The following ADGRB3 variants were observed in gnomAD, a reference collection of about 807,000 sequenced individuals.
ADGRB3 encodes adhesion G protein-coupled receptor B3.
A neutral mutation model predicts 193.4 loss-of-function variants in ADGRB3; 37 were observed. That is an observed-to-expected ratio of 0.19 (90% CI 0.15 to 0.25). The LOEUF (loss-of-function observed/expected upper bound fraction) is 0.25, where lower values mean the gene tolerates loss of function less well. Ranked by LOEUF, ADGRB3 falls within the 10% of genes least tolerant of loss-of-function variation. The pLI, the probability that ADGRB3 is intolerant of heterozygous loss-of-function variation, is 1.00. For synonymous variants in ADGRB3, 690 were observed against 644.2 expected (o/e 1.07, Z -1.08); for missense variants, 1,637 against 1,852.9 (o/e 0.88, Z 2.14).
At chr6:68,919,018 G>A (rs1766954995) in intron 3 of ADGRB3, among the ~76,000 whole-genome samples, 1 of 151,630 alleles carries the variant, frequency 6.6e-6, no homozygotes, top group South Asian at 2.1e-4. Context: ...TTCTGGACAT[G>A]TCTTTTTTTA....
chr6:69,323,940 T>G (rs1021608170), intron 20 of ADGRB3, among the ~76,000 whole-genome samples: 1 of 152,118 alleles, frequency 6.6e-6, no homozygotes, highest in East Asian at 1.9e-4. Flanking sequence ...AATTCTACTG[T>G]CTTTGTTTTG....
chr6:69,349,724 T>C (rs1485241802), intron 26 of ADGRB3, among the ~76,000 whole-genome samples: 1 of 152,142 alleles, frequency 6.6e-6, no homozygotes, highest in Admixed American at 6.6e-5. Context: ...AAGGAAAAAT[T>C]ACAAATAATT....
intron 3 of ADGRB3, among the ~76,000 whole-genome samples, chr6:68,781,168 T>C (rs1341017985): frequency 6.6e-6 from 1 of 152,138 alleles, no homozygotes; most frequent in African/African-American, 2.4e-5. Context: ...CCAAGTAGTT[T>C]CTTGTCTTCA....
chr6:69,323,263 T>A (rs1174267463), intron 20 of ADGRB3, among the ~76,000 whole-genome samples: 1 of 152,030 alleles, frequency 6.6e-6, no homozygotes, highest in Non-Finnish European at 1.5e-5. Context: ...AAAGGGTAAC[T>A]AATGACTTAG....
chr6:69,115,570 ATGT>A (rs1561923486), intron 17 of ADGRB3, among the ~76,000 whole-genome samples: 1 of 152,266 alleles, frequency 6.6e-6, no homozygotes. Flanking sequence ...TGTTCTGCAC[ATGT>A]ATCCCAGAAC....
intron 20 of ADGRB3, among the ~76,000 whole-genome samples, chr6:69,271,418 A>G (rs774378074): frequency 6.6e-6 from 1 of 152,218 alleles, no homozygotes; most frequent in Non-Finnish European, 1.5e-5. Flanking sequence ...ATAGTTTCAT[A>G]AATGAAGTAT....
chr6:68,807,949 G>T (rs1251008469), intron 3 of ADGRB3, among the ~76,000 whole-genome samples: 2 of 151,944 alleles, frequency 1.3e-5, no homozygotes, highest in Non-Finnish European at 2.9e-5. Flanking sequence ...TTTTCCCAGG[G>T]TGTCTCACTT....
intron 3 of ADGRB3, among the ~76,000 whole-genome samples, chr6:68,643,692 G>A (rs905303553): frequency 7.3e-5 from 11 of 151,468 alleles, no homozygotes; most frequent in African/African-American, 2.7e-4. Context: ...CCAGCACTTT[G>A]GGAGGCCGAA....
At chr6:68,899,377 G>C (rs1187781992) in intron 3 of ADGRB3, among the ~76,000 whole-genome samples, 2 of 151,400 alleles carry the variant, frequency 1.3e-5, no homozygotes, top group Non-Finnish European at 2.9e-5. Flanking sequence ...TGCCATGCTG[G>C]TGCACTGCAC....
At chr6:69,325,420 C>A (rs1215138293) in intron 21 of ADGRB3, among the ~76,000 whole-genome samples, 1 of 151,974 alleles carries the variant, frequency 6.6e-6, no homozygotes, top group Non-Finnish European at 1.5e-5. Flanking sequence ...TTCAAGAAAT[C>A]TCAAAGCAAT....
intron 4 of ADGRB3, among the ~76,000 whole-genome samples, chr6:68,930,994 G>A (rs1767321879): frequency 6.6e-6 from 1 of 151,802 alleles, no homozygotes; most frequent in African/African-American, 2.4e-5. Flanking sequence ...ATTGACATAA[G>A]ACTTTCAAAA....
Position 69,180,776 on chromosome 6 carries a change from C to T in ADGRB3, c.2481-52514C>T, listed in dbSNP as rs527237433. The stretch of plus-strand genomic sequence containing the variant: ...TTTCCACAGTTCTGGCTGTGGAGGC[C>T]CCTACCCGACTCCAGAGTACGTACT... On this transcript the variant is annotated intron_variant, in intron 17 of 31. Transcript: ENST00000370598. Among the ~76,000 whole-genome samples, 8 of 152,260 alleles carry T rather than the reference C, an allele frequency of 5.3e-5. 1 individual carries two copies. Among genetic ancestry groups the T allele is most frequent in the African/African-American group, 1.7e-4 (7 of 41,554 alleles).
intron 29 of ADGRB3, among the ~76,000 whole-genome samples, chr6:69,366,262 TC>T (rs1378620900): frequency 2.6e-5 from 4 of 152,246 alleles, no homozygotes; most frequent in Non-Finnish European, 5.9e-5. Flanking sequence ...TGAATAAAAG[TC>T]ATTTTTAAAA....
At chr6:68,716,492 G>A (rs1010856046) in intron 3 of ADGRB3, among the ~76,000 whole-genome samples, 3 of 150,980 alleles carry the variant, frequency 2.0e-5, no homozygotes, top group Admixed American at 6.6e-5. Flanking sequence ...ATTTGGACCC[G>A]CTAAAATTTG....
intron 3 of ADGRB3, among the ~76,000 whole-genome samples, chr6:68,810,215 T>G (rs1179332280): frequency 1.4e-4 from 22 of 152,174 alleles, no homozygotes; most frequent in Non-Finnish European, 5.9e-5. Flanking sequence ...GTGGCTGCTT[T>G]GGGAAGCTGT....
chr6:68,827,172 T>A (rs1389414495), intron 3 of ADGRB3, among the ~76,000 whole-genome samples: 1 of 152,056 alleles, frequency 6.6e-6, no homozygotes, highest in Non-Finnish European at 1.5e-5. Context: ...AAAGGCAGAT[T>A]GATATTGAAC....
At chr6:68,714,784 A>T (rs948788168) in intron 3 of ADGRB3, among the ~76,000 whole-genome samples, 1 of 151,832 alleles carries the variant, frequency 6.6e-6, no homozygotes, top group Non-Finnish European at 1.5e-5. Flanking sequence ...TCAATGCTTA[A>T]AAATATATAG....
At chr6:69,236,443 C>G (rs1766268841) in intron 19 of ADGRB3, among the ~76,000 whole-genome samples, 1 of 151,894 alleles carries the variant, frequency 6.6e-6, no homozygotes, top group South Asian at 2.1e-4. Flanking sequence ...GCAGCAGAAT[C>G]TTGGGTTCAG....
At chr6:69,246,955 G>C (rs1417147561) in intron 20 of ADGRB3, among the ~76,000 whole-genome samples, 1 of 152,056 alleles carries the variant, frequency 6.6e-6, no homozygotes, top group African/African-American at 2.4e-5. Context: ...TGTGCTGAGG[G>C]AATTGTACAA....
Sources: gnomAD v4.1 joint callset for allele counts (sites outside exome capture counted in the v4.1 genomes callset) on GRCh38, gnomAD v4.1.1 for gene constraint, MANE v1.5 for transcripts, NCBI Gene and HGNC (gene_info 2026-07-23, HGNC 2026-07-21) for gene names.